Variants in RGS12 observed in about 807,000 individuals in gnomAD.
RGS12 encodes regulator of G-protein signaling 12.
RGS12 carries 66 observed loss-of-function variants against 120.1 expected under a neutral mutation model. That is an observed-to-expected ratio of 0.55 (90% CI 0.45 to 0.67). The LOEUF (loss-of-function observed/expected upper bound fraction) is 0.67. RGS12 is among the 30% of genes least tolerant of loss of function. The pLI, the probability that RGS12 is intolerant of heterozygous loss-of-function variation, is 0.00. For synonymous variants in RGS12, 827 were observed against 804.7 expected (o/e 1.03, Z -0.47); for missense variants, 1,859 against 1,957.7 (o/e 0.95, Z 0.95).
At chr4:3,345,984 TG>T (rs1425743271) in intron 3 of RGS12, among the ~76,000 whole-genome samples, 1 of 152,184 alleles carries the variant, frequency 6.6e-6, no homozygotes, top group Non-Finnish European at 1.5e-5. Context: ...CTTGAATTCC[TG>T]GGCTCAATCT....
intron 3 of RGS12, among the ~76,000 whole-genome samples, chr4:3,344,711 C>G (rs1014183380): frequency 6.6e-6 from 1 of 152,234 alleles, no homozygotes; most frequent in Non-Finnish European, 1.5e-5. Flanking sequence ...ACTGGGTGTC[C>G]CCAGTGGATG....
At position 3,417,039 on chromosome 4, in the gene RGS12, G is replaced by T; in HGVS notation, c.2554G>T (p.Ala852Ser). Residue 852 changes from alanine (A) to serine (S), a missense_variant, in exon 8 of 18, where the codon GCT becomes TCT. Physicochemically the swap from Ala to Ser is moderately conservative, Grantham distance 99. This residue lies in a region of RGS12 where 375 missense variants were observed against 475.0 expected (regional missense o/e 0.79). Coordinates refer to ENST00000336727, the MANE Select transcript of RGS12 (RefSeq NM_001394154.1). Reference protein sequence around the residue: ...PDSQQVPSSPASKHSLGSDHS... With the variant: ...PDSQQVPSSPSSKHSLGSDHS... ...CTCGCAGCAGGTCCCCAGCAGCCCG[G>T]CTTCCAAGCACAGCCTCGGTTCAGA... is the stretch of plus-strand genomic sequence containing the variant. 4 of 1,613,060 alleles carry T rather than the reference G, an allele frequency of 2.5e-6. No individual in the cohort carries two copies. The highest frequency in any genetic ancestry group is 3.4e-6 in the Non-Finnish European group (4 of 1,179,682).
chr4:3,301,323 C>G (rs1295710177), intron 1 of RGS12, among the ~76,000 whole-genome samples: 1 of 152,212 alleles, frequency 6.6e-6, no homozygotes, highest in African/African-American at 2.4e-5. Context: ...ATGATTTTGT[C>G]TTTCTGAGAG....
intron 17 of RGS12, among the ~76,000 whole-genome samples, chr4:3,434,968 C>T (rs1724667313): frequency 6.6e-6 from 1 of 152,126 alleles, no homozygotes; most frequent in Non-Finnish European, 1.5e-5. Flanking sequence ...GCAGACATCC[C>T]AAGAGGATGG....
In RGS12 at chr4:3,433,876, T is replaced by C. The variant is rs1317617617; in HGVS notation, c.4114+2921T>C. Among the ~76,000 whole-genome samples, 1 of 152,012 alleles carries C rather than the reference T, an allele frequency of 6.6e-6. No homozygotes were observed. The highest frequency in any genetic ancestry group is 1.5e-5 in the Non-Finnish European group (1 of 68,028). ...GTCCCGGGAGGCATGTGGGTGGGTC[T>C]CCTTTCCCTTTGGCCACTTGCTGCC... On this transcript the variant is annotated intron_variant, in intron 17 of 17. Transcript: ENST00000336727. The surrounding 1 kb of genome is among the most constrained non-coding windows in gnomAD (Gnocchi z 4.4).
chr4:3,427,357 A>T (rs1723766756), intron 14 of RGS12, among the ~76,000 whole-genome samples: 1 of 152,208 alleles, frequency 6.6e-6, no homozygotes, highest in African/African-American at 2.4e-5. Context: ...CTCCAGTCAC[A>T]TTTGGGCCAC....
At chr4:3,349,184 A>G (rs1714121496) in intron 3 of RGS12, among the ~76,000 whole-genome samples, 1 of 152,178 alleles carries the variant, frequency 6.6e-6, no homozygotes, top group South Asian at 2.1e-4. Flanking sequence ...ACTTACACAT[A>G]ATTTTCTTCT....
chr4:3,366,724 C>T lies in RGS12; in HGVS notation c.1999-19692C>T, dbSNP rs779179479. Among the ~76,000 whole-genome samples, 10 of 152,168 alleles carry T rather than the reference C, an allele frequency of 6.6e-5. No homozygotes were observed. In the South Asian group the frequency reaches 1.7e-3, roughly 25 times the overall value. On this transcript the variant is annotated intron_variant, in intron 3 of 17. Coordinates refer to ENST00000336727, the MANE Select transcript of RGS12 (RefSeq NM_001394154.1). This position sits in a 1 kb window ranked among gnomAD's most constrained non-coding sequence, Gnocchi z 4.0. ...AGGCCCTGGTTAGGCTGGGGCATCACGGGATGTGTCCTCTAGCAGAGACTG... is the reference window on the plus strand; with the variant it reads ...AGGCCCTGGTTAGGCTGGGGCATCATGGGATGTGTCCTCTAGCAGAGACTG...
intron 3 of RGS12, among the ~76,000 whole-genome samples, chr4:3,378,846 T>A (rs1040229412): frequency 1.3e-5 from 2 of 151,370 alleles, no homozygotes; most frequent in Non-Finnish European, 2.9e-5. Context: ...AGCATGGAGG[T>A]TCCTTGAAAA....
chr4:3,415,221 G>C (rs934321150), intron 6 of RGS12, among the ~76,000 whole-genome samples: 2 of 152,086 alleles, frequency 1.3e-5, no homozygotes, highest in East Asian at 1.9e-4. Flanking sequence ...AGAGGGCCGC[G>C]TGGCCTCATT....
At chr4:3,435,523 T>A (rs1338460624) in intron 17 of RGS12, among the ~76,000 whole-genome samples, 1 of 145,388 alleles carries the variant, frequency 6.9e-6, no homozygotes, top group Non-Finnish European at 1.5e-5. Context: ...AAGCCCCCTC[T>A]CCCCAGAGCC....
intron 3 of RGS12, among the ~76,000 whole-genome samples, chr4:3,348,615 T>C (rs1714060011): frequency 6.6e-6 from 1 of 151,974 alleles, no homozygotes; most frequent in Non-Finnish European, 1.5e-5. Flanking sequence ...GTATGGGAAG[T>C]TTTCTGGTTC....
intron 4 of RGS12, among the ~76,000 whole-genome samples, chr4:3,405,183 T>C (rs189394852): frequency 1.2e-3 from 186 of 152,366 alleles, no homozygotes; most frequent in African/African-American, 4.0e-3. Context: ...TCAGGCTTGA[T>C]GCGAAGCAAG....
intron 17 of RGS12, among the ~76,000 whole-genome samples, chr4:3,437,965 G>A (rs1467390991): frequency 6.6e-6 from 1 of 152,174 alleles, no homozygotes; most frequent in East Asian, 1.9e-4. Context: ...GCTGGGATTG[G>A]GGACCTTGGT....
At position 3,309,733 on chromosome 4, in the gene RGS12, T is replaced by G. The variant is rs1308720404; in HGVS notation, c.-101-6337T>G. Among the ~76,000 whole-genome samples, 35 of 118,580 alleles carry G rather than the reference T, an allele frequency of 3.0e-4. 1 individual carries two copies. Among genetic ancestry groups the G allele is most frequent in the Admixed American group, 1.4e-3 (16 of 11,686 alleles). 77.8% of individuals were successfully genotyped at this position (118,580 alleles called of 152,430 possible). A position where few individuals can be genotyped will look rare whatever the true frequency, so the allele number is the denominator to read the frequency against. On this transcript the variant is annotated intron_variant, in intron 1 of 17. Coordinates refer to ENST00000336727, the MANE Select transcript of RGS12 (RefSeq NM_001394154.1). ...TGGGACCTGGGAATGGCAGGTGTCC[T>G]CTGAGGAGAGCTGAGCAGGAGAGGA...
At chr4:3,395,408 G>A (rs1000775687) in intron 4 of RGS12, among the ~76,000 whole-genome samples, 3 of 152,148 alleles carry the variant, frequency 2.0e-5, no homozygotes, top group Non-Finnish European at 4.4e-5. Context: ...ACTTTTGGCC[G>A]TTACAGATGG....
intron 6 of RGS12, 117 bp from the exon 7 acceptor site, chr4:3,415,861 A>G: frequency 9.5e-7 from 1 of 1,051,886 alleles, no homozygotes; most frequent in Non-Finnish European, 1.4e-6. Flanking sequence ...AGCAAGAGGT[A>G]TTTACTGGGG....
chr4:3,307,894 CA>C (rs1724061240), intron 1 of RGS12, among the ~76,000 whole-genome samples: 1 of 152,246 alleles, frequency 6.6e-6, no homozygotes, highest in African/African-American at 2.4e-5. Context: ...CCCAAAGTTC[CA>C]AAAAGTCTCT....
intron 1 of RGS12, among the ~76,000 whole-genome samples, chr4:3,313,611 C>T (rs1051293848): frequency 2.0e-5 from 3 of 152,180 alleles, no homozygotes; most frequent in African/African-American, 7.2e-5. Flanking sequence ...TCAGTGTGAC[C>T]TGGCTGATGG....
Sources: allele counts gnomAD v4.1 joint callset (sites outside exome capture counted in the v4.1 genomes callset), GRCh38; gene constraint gnomAD v4.1.1; regional missense constraint gnomAD v4.1.1; non-coding constraint Gnocchi (gnomAD v3.1); transcripts MANE v1.5; gene names NCBI Gene and HGNC (gene_info 2026-07-23, HGNC 2026-07-21).